Variants in WWP2 observed in about 807,000 individuals in gnomAD.
WWP2 encodes the protein WW domain containing E3 ubiquitin protein ligase 2.
A neutral mutation model predicts 121.0 loss-of-function variants in WWP2; 57 were observed. That is an observed-to-expected ratio of 0.47 (90% CI 0.38 to 0.59). The LOEUF (loss-of-function observed/expected upper bound fraction) is 0.59. WWP2 is among the 20% of genes least tolerant of loss of function. The probability of loss-of-function intolerance (pLI) is 0.00; values close to 1 mark genes in which losing one functional copy is unlikely to be tolerated. For missense variants in WWP2, 962 were observed against 1,158.9 expected, an observed-to-expected ratio of 0.83 and a Z score of 2.47; for synonymous variants, 449 against 441.3, an observed-to-expected ratio of 1.02 and a Z score of -0.22.
At chr16:69,826,593 A>T (rs915511180) in intron 4 of WWP2, among the ~76,000 whole-genome samples, 11 of 143,048 alleles carry the variant, frequency 7.7e-5, no homozygotes, top group African/African-American at 2.9e-4. Flanking sequence ...AAAAAAAAAA[A>T]GTGGAGCCGG....
Position 69,837,817 on chromosome 16 carries a change from GA to G in WWP2, c.341-2306del, listed in dbSNP as rs564677364. Among the ~76,000 whole-genome samples, 333 of 152,318 alleles carry G rather than the reference GA, an allele frequency of 2.2e-3. 2 individuals are homozygous for G. The highest frequency in any genetic ancestry group is 5.2e-3 in the South Asian group (25 of 4,824). On this transcript the variant is annotated intron_variant, in intron 4 of 23. Transcript: ENST00000359154. ...TTAGGAGATGACCTGGAAACAAGAT[GA>G]AAGGACAGTTTGTCTGCGTGATGGG... is the stretch of plus-strand genomic sequence containing the variant.
At chr16:69,904,491 C>T (rs749421217) in intron 8 of WWP2, among the ~76,000 whole-genome samples, 13 of 151,946 alleles carry the variant, frequency 8.6e-5, no homozygotes, top group African/African-American at 1.4e-4. Context: ...GCCTCAGTCT[C>T]CTGAGTAGGT....
chr16:69,832,135 G>A (rs965202004), intron 4 of WWP2, among the ~76,000 whole-genome samples: 4 of 151,458 alleles, frequency 2.6e-5, no homozygotes, highest in African/African-American at 9.7e-5. Flanking sequence ...TGCCTTCTTT[G>A]TTTGTTTGTT....
Position 69,925,112 on chromosome 16 carries a change from A to G in WWP2, c.1180-318A>G. 2 of 1,091,638 alleles carry G rather than the reference A, an allele frequency of 1.8e-6. No homozygotes were observed. The highest frequency in any genetic ancestry group is 2.2e-6 in the Non-Finnish European group (2 of 898,066). The allele number at this position is 1,091,638 out of a possible 1,614,324, so 67.6% of individuals were successfully genotyped here. On this transcript the variant is annotated intron_variant, in intron 10 of 23. Transcript: ENST00000359154. This position sits in a 1 kb window ranked among gnomAD's most constrained non-coding sequence, Gnocchi z 4.0. ...AGCCTGCTTCCCGGGCCTTCCTACC[A>G]TGCCAGGGCTGCTCCCTGCCTCCGC...
chr16:69,767,577 G>A (rs1390621173), intron 1 of WWP2, among the ~76,000 whole-genome samples: 4 of 152,202 alleles, frequency 2.6e-5, no homozygotes, highest in African/African-American at 9.6e-5. Context: ...TTATTAAAGT[G>A]AAAACACGTT....
chr16:69,824,298 A>G (rs1261529887), intron 4 of WWP2, among the ~76,000 whole-genome samples: 1 of 152,090 alleles, frequency 6.6e-6, no homozygotes, highest in African/African-American at 2.4e-5. Flanking sequence ...TAGGAGGCTT[A>G]TTCTTTGTGG....
intron 6 of WWP2, among the ~76,000 whole-genome samples, chr16:69,867,228 G>A (rs2057543325): frequency 6.6e-6 from 1 of 151,662 alleles, no homozygotes; most frequent in African/African-American, 2.4e-5. Flanking sequence ...ACAATGGTCA[G>A]CGAGGCTGCA....
At chr16:69,793,992 A>G (rs556486068) in intron 2 of WWP2, among the ~76,000 whole-genome samples, 1 of 126,832 alleles carries the variant, frequency 7.9e-6, no homozygotes, top group East Asian at 2.3e-4. Flanking sequence ...ATCTCAGCTT[A>G]CTGCACTTTC....
chr16:69,930,114 C>A lies in WWP2; in HGVS notation c.1317-16C>A. 1 of 1,613,890 alleles carries A rather than the reference C, an allele frequency of 6.2e-7. No individual in the cohort carries two copies. Among genetic ancestry groups the A allele is most frequent in the Non-Finnish European group, 8.5e-7 (1 of 1,179,886 alleles). ...GGTGGGGCCAGCCCTTCACCCTTTT[C>A]TTCCCGTGTTTCCAGGATGATCCAG... is the stretch of plus-strand genomic sequence containing the variant. On this transcript the variant is annotated splice_polypyrimidine_tract_variant and intron_variant, in intron 12 of 23. Coordinates refer to ENST00000359154, the MANE Select transcript of WWP2 (RefSeq NM_001270454.2).
At chr16:69,850,255 T>C (rs529421072) in intron 6 of WWP2, among the ~76,000 whole-genome samples, 1 of 151,768 alleles carries the variant, frequency 6.6e-6, no homozygotes, top group African/African-American at 2.4e-5. Context: ...GGCGTGGTGG[T>C]GTGCGCCTGT....
At chr16:69,931,402 C>A in intron 14 of WWP2, 107 bp from the exon 15 acceptor site, 1 of 1,511,298 alleles carries the variant, frequency 6.6e-7, no homozygotes, top group Admixed American at 1.8e-5. Context: ...AGGGCACATG[C>A]TATTGCCTCC....
intron 2 of WWP2, 86 bp downstream of exon 2, chr16:69,787,166 T>G: frequency 9.2e-7 from 1 of 1,089,758 alleles, no homozygotes; most frequent in Non-Finnish European, 1.3e-6. Flanking sequence ...GGGAGCCAAA[T>G]TTTGTGAAAT....
chr16:69,851,833 A>G (rs1254122453), intron 6 of WWP2, among the ~76,000 whole-genome samples: 1 of 151,946 alleles, frequency 6.6e-6, no homozygotes, highest in African/African-American at 2.4e-5. Flanking sequence ...ACAAAAAAAA[A>G]TTAGCTGGGC....
At chr16:69,834,475 T>C (rs1244846273) in intron 4 of WWP2, among the ~76,000 whole-genome samples, 3 of 151,692 alleles carry the variant, frequency 2.0e-5, no homozygotes, top group African/African-American at 7.2e-5. Context: ...TTTTTCCTAT[T>C]GCACTTGCCA....
chr16:69,790,354 A>C (rs2055882380), intron 2 of WWP2, among the ~76,000 whole-genome samples: 1 of 152,208 alleles, frequency 6.6e-6, no homozygotes, highest in Non-Finnish European at 1.5e-5. Flanking sequence ...AAAAAATCAT[A>C]AGGAGGAAAA....
chr16:69,846,064 A>AG (rs2057071940), intron 6 of WWP2, among the ~76,000 whole-genome samples: 1 of 149,440 alleles, frequency 6.7e-6, no homozygotes, highest in Admixed American at 6.6e-5. Flanking sequence ...AAAAAAAAAA[A>AG]AAAAAAGAAT....
chr16:69,811,159 A>C (rs1436716091), intron 4 of WWP2, among the ~76,000 whole-genome samples: 2 of 152,116 alleles, frequency 1.3e-5, no homozygotes, highest in African/African-American at 4.8e-5. Flanking sequence ...CATTGTTAGC[A>C]GGTAGGGTCT....
chr16:69,797,743 G>A (rs555665141), intron 2 of WWP2, among the ~76,000 whole-genome samples: 37 of 151,718 alleles, frequency 2.4e-4, no homozygotes, highest in Non-Finnish European at 4.7e-4. Flanking sequence ...ACAAAAATTA[G>A]CCAGGCACGG....
At chr16:69,835,651 C>A (rs766278265) in intron 4 of WWP2, among the ~76,000 whole-genome samples, 1 of 151,846 alleles carries the variant, frequency 6.6e-6, no homozygotes, top group Non-Finnish European at 1.5e-5. Context: ...TTTCCTGAGC[C>A]ATTTGAAGGT....
Sources: allele counts gnomAD v4.1 joint callset (sites outside exome capture counted in the v4.1 genomes callset), GRCh38; gene constraint gnomAD v4.1.1; non-coding constraint Gnocchi (gnomAD v3.1); transcripts MANE v1.5; gene names NCBI Gene and HGNC (gene_info 2026-07-23, HGNC 2026-07-21).